SLC38A9: variants seen among roughly 807,000 people sequenced by gnomAD.
The protein encoded by SLC38A9 is neutral amino acid transporter 9.
In SLC38A9, 48 loss-of-function variants were observed where a neutral mutation model predicts 62.3. The observed-to-expected ratio is 0.77, with a 90% CI of 0.61 to 0.98. The LOEUF is 0.98. Ranked by LOEUF, SLC38A9 falls within the 50% of genes least tolerant of loss-of-function variation. The pLI is 0.00. For missense variants in SLC38A9, 541 were observed against 679.8 expected (o/e 0.80, Z 2.27); for synonymous variants, 204 against 227.7 (o/e 0.90, Z 0.94).
chr5:55,659,763 TTTTATTTA>T lies in SLC38A9; in HGVS notation c.698-2997_698-2990del, dbSNP rs1421182036. Among the ~76,000 whole-genome samples, 7 of 151,800 alleles carry T rather than the reference TTTTATTTA, an allele frequency of 4.6e-5. No individual in the cohort carries two copies. The East Asian group carries it at 7.8e-4, about 17-fold the overall frequency. ...AAAGTGCATCTACAAAATTTTTATTTTTTATTTATTTATTTTTTTTGAGACAGAGTCTA... is the reference window on the plus strand; with the variant it reads ...AAAGTGCATCTACAAAATTTTTATTTTTTATTTTTTTTGAGACAGAGTCTA... On this transcript the variant is annotated intron_variant, in intron 8 of 15. Transcript: ENST00000396865.
intron 2 of SLC38A9, 33 bp downstream of exon 2, chr5:55,711,419 A>G (rs1758032326): frequency 6.6e-6 from 1 of 152,262 alleles, no homozygotes; most frequent in Non-Finnish European, 1.5e-5. Context: ...CATGACAATT[A>G]GGTGTTGGTC....
chr5:55,684,465 AG>A (rs1753466720), intron 3 of SLC38A9, among the ~76,000 whole-genome samples: 1 of 152,188 alleles, frequency 6.6e-6, no homozygotes, highest in Non-Finnish European at 1.5e-5. Context: ...GATGAGTTAA[AG>A]TTGGGCTTCA....
intron 12 of SLC38A9, among the ~76,000 whole-genome samples, chr5:55,644,895 G>C (rs1746063408): frequency 6.6e-6 from 1 of 151,168 alleles, no homozygotes; most frequent in African/African-American, 2.4e-5. Context: ...AGTCCCCAGA[G>C]TGTGATGTTC....
At chr5:55,710,151 G>A (rs904086578) in intron 2 of SLC38A9, among the ~76,000 whole-genome samples, 11 of 149,092 alleles carry the variant, frequency 7.4e-5, no homozygotes. Flanking sequence ...TCTAGGGGAA[G>A]GAAAGGTAAA....
intron 6 of SLC38A9, 54 bp downstream of exon 6, chr5:55,669,503 C>T (rs761827207): frequency 6.8e-5 from 100 of 1,478,354 alleles, no homozygotes; most frequent in Non-Finnish European, 8.7e-5. Flanking sequence ...ATAAAACTTA[C>T]AATATAAAGA....
chr5:55,675,285 T>C (rs1751934743), intron 3 of SLC38A9: 1 of 152,230 alleles, frequency 6.6e-6, no homozygotes, highest in Admixed American at 6.5e-5. Flanking sequence ...GCAGAATGAC[T>C]CTGAAAGTTT....
chr5:55,649,362 C>T, intron 10 of SLC38A9, 48 bp from the exon 11 acceptor site: 1 of 1,180,742 alleles, frequency 8.5e-7, no homozygotes, highest in Non-Finnish European at 1.2e-6. Context: ...GTGTGTTTTA[C>T]AGATTATTTT....
chr5:55,664,653 TG>T, intron 8 of SLC38A9, 39 bp downstream of exon 8: 1 of 1,151,402 alleles, frequency 8.7e-7, no homozygotes. Flanking sequence ...TAATAGTATT[TG>T]AAAGTACTGT....
At chr5:55,691,203 T>C in intron 3 of SLC38A9, 1 of 925,964 alleles carries the variant, frequency 1.1e-6, no homozygotes, top group Non-Finnish European at 1.7e-6. Context: ...TTCTCCATGT[T>C]AAAATGCAAA....
intron 2 of SLC38A9, among the ~76,000 whole-genome samples, chr5:55,699,598 A>C (rs1330351596): frequency 6.6e-6 from 1 of 152,200 alleles, no homozygotes; most frequent in Non-Finnish European, 1.5e-5. Context: ...AAGAACTTCA[A>C]CTACAAAAAT....
chr5:55,689,580 G>A (rs1290180934), intron 3 of SLC38A9, among the ~76,000 whole-genome samples: 1 of 152,046 alleles, frequency 6.6e-6, no homozygotes, highest in Non-Finnish European at 1.5e-5. Flanking sequence ...TATATACTTG[G>A]ATGTGTTACA....
chr5:55,664,249 T>G (rs1750091151), intron 8 of SLC38A9, among the ~76,000 whole-genome samples: 1 of 152,186 alleles, frequency 6.6e-6, no homozygotes, highest in Non-Finnish European at 1.5e-5. Context: ...TTTAAGTAGC[T>G]GATTTGGGTA....
chr5:55,665,131 G>A (rs1750248229), intron 7 of SLC38A9: 1 of 190,642 alleles, frequency 5.2e-6, no homozygotes. Flanking sequence ...ACTAAGGTTA[G>A]ACAAATGCAT....
In SLC38A9 at chr5:55,626,610, G is replaced by A. The variant is rs752156827; in HGVS notation, c.1570C>T (p.Leu524Phe). ...GLAFVFIYPS[L>F]IYIISLHQEE... ...TGGTGGAGGGAAATTATATAGATGA[G>A]AGATGGGTATATGAATACAAAGGCC... Residue 524 changes from leucine (L) to phenylalanine (F), a missense_variant, in exon 16 of 16, where the codon CTC becomes TTC. Leu to Phe is a conservative substitution (Grantham distance 22, BLOSUM62 0). Transcript: ENST00000396865. 21 of 1,613,590 alleles carry A rather than the reference G, an allele frequency of 1.3e-5. No individual in the cohort carries two copies. Among genetic ancestry groups the A allele is most frequent in the Non-Finnish European group, 8.5e-7 (1 of 1,179,806 alleles).
chr5:55,632,524 A>C (rs1743665630), intron 14 of SLC38A9, among the ~76,000 whole-genome samples: 1 of 152,146 alleles, frequency 6.6e-6, no homozygotes, highest in African/African-American at 2.4e-5. Context: ...TCAGAAAACC[A>C]TACCCTAAAA....
intron 9 of SLC38A9, among the ~76,000 whole-genome samples, chr5:55,655,294 A>T (rs1748206198): frequency 6.6e-6 from 1 of 152,190 alleles, no homozygotes. Flanking sequence ...CTAAATCATC[A>T]ATGTGACTGT....
rs1755417459 is a variant in SLC38A9 at position 55,695,721 on chromosome 5, C to T, written c.113+2125G>A. ...TTTCTCAATCTTTTCCCCACCTTTC[C>T]CCCCTTTCTATTCCACAAAGCTGCC... On this transcript the variant is annotated intron_variant, in intron 3 of 15. Transcript: ENST00000396865. Among the ~76,000 whole-genome samples, 2 of 82,852 alleles carry T rather than the reference C, an allele frequency of 2.4e-5. 1 individual carries two copies. Among genetic ancestry groups the T allele is most frequent in the Non-Finnish European group, 5.9e-5 (2 of 33,876 alleles). 54.4% of individuals were successfully genotyped at this position (82,852 alleles called of 152,430 possible). A position where few individuals can be genotyped will look rare whatever the true frequency, so the allele number is the denominator to read the frequency against.
chr5:55,655,982 T>C (rs1168432035), intron 9 of SLC38A9, among the ~76,000 whole-genome samples: 1 of 152,158 alleles, frequency 6.6e-6, no homozygotes, highest in Non-Finnish European at 1.5e-5. Context: ...TTTTACAGGT[T>C]ACAAATTTGT....
At chr5:55,647,584 G>C (rs1471739521) in intron 11 of SLC38A9, among the ~76,000 whole-genome samples, 1 of 152,160 alleles carries the variant, frequency 6.6e-6, no homozygotes, top group African/African-American at 2.4e-5. Flanking sequence ...TGAATTTCCT[G>C]TCTCTCAGAG....
Sources: allele counts gnomAD v4.1 joint callset (sites outside exome capture counted in the v4.1 genomes callset), GRCh38; gene constraint gnomAD v4.1.1; transcripts MANE v1.5; gene names NCBI Gene and HGNC (gene_info 2026-07-23, HGNC 2026-07-21).